The following RIMS2 variants were observed in gnomAD, a reference collection of about 807,000 sequenced individuals.
RIMS2 encodes the protein regulating synaptic membrane exocytosis 2.
Under a neutral mutation model 174.4 loss-of-function variants are expected in RIMS2, and 59 were observed. The ratio of observed to expected loss-of-function variants is 0.34; its 90% confidence interval spans 0.27 to 0.42. The LOEUF is 0.42. Among genes scored for constraint, RIMS2 ranks in the 10% least tolerant of loss-of-function variants. The pLI is 1.00. For missense variants in RIMS2, 1,620 were observed against 1,666.3 expected, an observed-to-expected ratio of 0.97 and a Z score of 0.48; for synonymous variants, 606 against 572.5, an observed-to-expected ratio of 1.06 and a Z score of -0.84.
chr8:103,908,928 T>G (rs2154526676), intron 4 of RIMS2, among the ~76,000 whole-genome samples: 1 of 152,346 alleles, frequency 6.6e-6, no homozygotes, highest in African/African-American at 2.4e-5. Context: ...AGTTGTTCTG[T>G]GCTGCCTTAC....
At chr8:103,823,939 A>G (rs769072329) in intron 3 of RIMS2, among the ~76,000 whole-genome samples, 1 of 152,082 alleles carries the variant, frequency 6.6e-6, no homozygotes, top group African/African-American at 2.4e-5. Flanking sequence ...TTTATTGAAC[A>G]TGCATAATTG....
intron 19 of RIMS2, among the ~76,000 whole-genome samples, chr8:104,027,887 T>C (rs2096289095): frequency 6.6e-6 from 1 of 152,146 alleles, no homozygotes; most frequent in Non-Finnish European, 1.5e-5. Context: ...TGAAAGCATA[T>C]TGGAACATAT....
At chr8:103,914,831 G>C (rs894341034) in intron 6 of RIMS2, among the ~76,000 whole-genome samples, 4 of 152,028 alleles carry the variant, frequency 2.6e-5, no homozygotes, top group Admixed American at 1.3e-4. Flanking sequence ...AATTTTGTAA[G>C]GTATACAAGT....
chr8:103,825,327 A>T (rs1241332480), intron 3 of RIMS2, among the ~76,000 whole-genome samples: 2 of 152,136 alleles, frequency 1.3e-5, no homozygotes, highest in Middle Eastern at 3.4e-3. Context: ...TCTGTCACCC[A>T]GGCTGGAGTG....
At chr8:103,548,756 A>G (rs1270361483) in intron 1 of RIMS2, among the ~76,000 whole-genome samples, 1 of 152,170 alleles carries the variant, frequency 6.6e-6, no homozygotes, top group Non-Finnish European at 1.5e-5. Flanking sequence ...ATATGATTCT[A>G]TACCTAGAAA....
At chr8:103,662,676 A>G (rs550197896) in intron 1 of RIMS2, among the ~76,000 whole-genome samples, 17 of 40,504 alleles carry the variant, frequency 4.2e-4, no homozygotes, top group African/African-American at 1.5e-3. Context: ...AGAAGAGTCT[A>G]TCTATCTATC....
chr8:103,915,796 A>G (rs1361463504), intron 7 of RIMS2, among the ~76,000 whole-genome samples: 1 of 151,936 alleles, frequency 6.6e-6, no homozygotes, highest in Non-Finnish European at 1.5e-5. Context: ...ACTTTATCTT[A>G]CTTTTTTCTG....
At chr8:104,166,887 T>C (rs10104576) in intron 19 of RIMS2, among the ~76,000 whole-genome samples, 1,668 of 152,258 alleles carry the variant, frequency 0.011, 22 homozygotes, top group African/African-American at 0.036. Flanking sequence ...ATTTGGTTTT[T>C]CATTCTTGAG....
chr8:103,843,522 G>T (rs2098952151), intron 3 of RIMS2, among the ~76,000 whole-genome samples: 1 of 152,196 alleles, frequency 6.6e-6, no homozygotes, highest in Admixed American at 6.5e-5. Context: ...TTTTGAGAAT[G>T]TGTCTATTTG....
At chr8:103,889,220 T>C (rs2099226718) in intron 4 of RIMS2, among the ~76,000 whole-genome samples, 1 of 151,792 alleles carries the variant, frequency 6.6e-6, no homozygotes, top group Non-Finnish European at 1.5e-5. Context: ...GTTAAAGAAA[T>C]TTTGTTAGTG....
At chr8:103,740,601 A>C (rs915083511) in intron 2 of RIMS2, among the ~76,000 whole-genome samples, 15 of 152,124 alleles carry the variant, frequency 9.9e-5, no homozygotes, top group African/African-American at 3.6e-4. Context: ...AAATATGTTT[A>C]CTTTGAATCC....
At chr8:103,560,763 C>A (rs1356623533) in intron 1 of RIMS2, among the ~76,000 whole-genome samples, 1 of 152,164 alleles carries the variant, frequency 6.6e-6, no homozygotes, top group Non-Finnish European at 1.5e-5. Context: ...ACATTTCTTT[C>A]ACTTTATCAA....
At chr8:103,893,416 C>A (rs1267550522) in intron 4 of RIMS2, among the ~76,000 whole-genome samples, 1 of 152,040 alleles carries the variant, frequency 6.6e-6, no homozygotes, top group African/African-American at 2.4e-5. Flanking sequence ...AACTTGACTT[C>A]TTATTTAAGC....
intron 19 of RIMS2, among the ~76,000 whole-genome samples, chr8:104,163,488 G>A (rs965436431): frequency 9.9e-5 from 15 of 152,146 alleles, no homozygotes; most frequent in Admixed American, 5.9e-4. Context: ...CGAGTTTATT[G>A]CAGAGGATAC....
chr8:104,232,307 A>T (rs545449195), intron 19 of RIMS2, among the ~76,000 whole-genome samples: 1 of 152,338 alleles, frequency 6.6e-6, no homozygotes, highest in African/African-American at 2.4e-5. Flanking sequence ...CAGTACTTGA[A>T]TGTTATGCAT....
In RIMS2 at chr8:104,159,672, G is replaced by A. The variant is rs115502964; in HGVS notation, c.3335-85244G>A. Among the ~76,000 whole-genome samples, 295 of 152,216 alleles carry A rather than the reference G, an allele frequency of 1.9e-3. 1 individual carries two copies. Among genetic ancestry groups the A allele is most frequent in the African/African-American group, 6.5e-3 (272 of 41,530 alleles). ...TGGTTTGGATTTGCATTTCCCTAAT[G>A]ATTAGTGGTATTGAGCATCTTTTCA... On this transcript the variant is annotated intron_variant, in intron 19 of 23. Transcript: ENST00000504942.
chr8:104,015,359 G>T, intron 19 of RIMS2: 1 of 648,764 alleles, frequency 1.5e-6, no homozygotes, highest in East Asian at 2.8e-5. Context: ...TAACCCCTGT[G>T]CTTTGGTTCC....
chr8:103,871,689 A>T (rs750466670), intron 3 of RIMS2, among the ~76,000 whole-genome samples: 1 of 152,158 alleles, frequency 6.6e-6, no homozygotes, highest in African/African-American at 2.4e-5. Flanking sequence ...TTGTCACAAC[A>T]TGCAACTCAA....
At chr8:103,519,324 T>C (rs1830521907) in intron 1 of RIMS2, among the ~76,000 whole-genome samples, 1 of 152,136 alleles carries the variant, frequency 6.6e-6, no homozygotes, top group African/African-American at 2.4e-5. Context: ...TCAACTTCAA[T>C]AGGAAATCTT....
Sources: gnomAD v4.1 joint callset for allele counts (sites outside exome capture counted in the v4.1 genomes callset) on GRCh38, gnomAD v4.1.1 for gene constraint, MANE v1.5 for transcripts, NCBI Gene and HGNC (gene_info 2026-07-23, HGNC 2026-07-21) for gene names.